PPP1CC: variants seen among roughly 807,000 people sequenced by gnomAD.
The protein encoded by PPP1CC is protein phosphatase 1 catalytic subunit gamma.
Under a neutral mutation model 38.4 loss-of-function variants are expected in PPP1CC, and 16 were observed. That is an observed-to-expected ratio of 0.42 (90% CI 0.28 to 0.63). The LOEUF is 0.63. Ranked by LOEUF, PPP1CC falls within the 30% of genes least tolerant of loss-of-function variation. The probability of loss-of-function intolerance (pLI) is 0.25; values close to 1 mark genes in which losing one functional copy is unlikely to be tolerated. For synonymous variants in PPP1CC, 158 were observed against 136.0 expected, an observed-to-expected ratio of 1.16 and a Z score of -1.13; for missense variants, 170 against 391.3, an observed-to-expected ratio of 0.43 and a Z score of 4.77.
At chr12:110,710,440 T>C in the PPP1CC span, among the ~76,000 whole-genome samples, 3 of 150,152 alleles carry the variant, frequency 2.0e-5, no homozygotes, top group Admixed American at 6.6e-5. Flanking sequence ...AAAATTAGGC[T>C]GGGTGCGGTG....
chr12:110,720,262 C>T lies in PPP1CC; in HGVS notation c.*814G>A. ...TGGAAATTGTATAAAATGTTATTAC[C>T]TTTTATCGTTAGTAGCTTAAACAGC... On this transcript the variant is annotated 3_prime_UTR_variant, in exon 7 of 7. Coordinates refer to ENST00000335007, the MANE Select transcript of PPP1CC (RefSeq NM_002710.4). 2.1e-6 allele frequency: 3 copies of T among 1,401,876 alleles called. No individual in the cohort carries two copies. The highest frequency in any genetic ancestry group is 2.9e-6 in the Non-Finnish European group (3 of 1,027,994). The allele number at this position is 1,401,876 out of a possible 1,614,324, so 86.8% of individuals were successfully genotyped here.
At chr12:110,739,520 T>TA (rs1411363179) in intron 1 of PPP1CC, among the ~76,000 whole-genome samples, 6 of 152,176 alleles carry the variant, frequency 3.9e-5, no homozygotes, top group Admixed American at 2.0e-4. Flanking sequence ...TAAACAATCT[T>TA]AGAGTTTCAG....
Position 110,721,197 on chromosome 12 carries a change from A to G in PPP1CC, c.883-32T>C, listed in dbSNP as rs368391621. 13 of 1,575,290 alleles carry G rather than the reference A, an allele frequency of 8.3e-6. No individual in the cohort carries two copies. In the African/African-American group the frequency reaches 1.8e-4, roughly 21 times the overall value. On this transcript the variant is annotated intron_variant, in intron 6 of 6. Transcript: ENST00000335007. ...ATTCAAAAGACAGTTAATTTAGGAAATATACTCAACCCCAAATCTTAAGAG... is the reference window on the plus strand; with the variant it reads ...ATTCAAAAGACAGTTAATTTAGGAAGTATACTCAACCCCAAATCTTAAGAG...
the PPP1CC span, among the ~76,000 whole-genome samples, chr12:110,710,167 AAGAC>A: frequency 5.3e-5 from 8 of 151,996 alleles, no homozygotes; most frequent in Non-Finnish European, 1.5e-5. Context: ...AGTGAAATGA[AAGAC>A]AGAATGAGGT....
At chr12:110,737,389 A>G (rs1037159961) in intron 1 of PPP1CC, among the ~76,000 whole-genome samples, 8 of 146,904 alleles carry the variant, frequency 5.4e-5, no homozygotes, top group Non-Finnish European at 1.2e-4. Context: ...AGGCTGAGGC[A>G]GGAGAAATCG....
chr12:110,730,495 A>T, intron 3 of PPP1CC, 34 bp downstream of exon 3: 1 of 1,446,740 alleles, frequency 6.9e-7, no homozygotes, highest in Non-Finnish European at 9.5e-7. Flanking sequence ...TCTTAATTTC[A>T]ATAACTCTTC....
downstream of PPP1CC, among the ~76,000 whole-genome samples, chr12:110,717,077 T>A (rs975713734): frequency 6.6e-6 from 1 of 152,236 alleles, no homozygotes; most frequent in Non-Finnish European, 1.5e-5. Context: ...GGTCTAAATC[T>A]TAGGGCTATT....
At chr12:110,717,486 C>T (rs1193584516), downstream of PPP1CC, among the ~76,000 whole-genome samples, 1 of 152,110 alleles carries the variant, frequency 6.6e-6, no homozygotes. Flanking sequence ...CTCCACCTCC[C>T]AGGTTCACGC....
At chr12:110,737,060 T>C (rs1297139368) in intron 1 of PPP1CC, among the ~76,000 whole-genome samples, 1 of 152,180 alleles carries the variant, frequency 6.6e-6, no homozygotes, top group Admixed American at 6.5e-5. Context: ...CTCATGATAT[T>C]TGACAGATTT....
At chr12:110,711,874 G>A in the PPP1CC span, among the ~76,000 whole-genome samples, 1 of 151,952 alleles carries the variant, frequency 6.6e-6, no homozygotes, top group Non-Finnish European at 1.5e-5. Context: ...GCAGTGAGCC[G>A]AGATCGCACC....
chr12:110,722,364 C>A lies in PPP1CC; in HGVS notation c.748-95G>T. The A allele has an allele frequency of 6.4e-7, 1 of 1,562,158 alleles. No homozygotes were observed. On this transcript the variant is annotated intron_variant, in intron 5 of 6. Coordinates refer to ENST00000335007, the MANE Select transcript of PPP1CC (RefSeq NM_002710.4). The surrounding 1 kb of genome is among the most constrained non-coding windows in gnomAD (Gnocchi z 5.4). ...CCATTGAGCCTGATATCTTGTGTTC[C>A]AGAAACACTTTGTATAAATAAGCAA...
intron 3 of PPP1CC, among the ~76,000 whole-genome samples, chr12:110,730,010 A>G (rs1374724638): frequency 6.6e-6 from 1 of 152,268 alleles, no homozygotes; most frequent in African/African-American, 2.4e-5. Context: ...ATCACATCAT[A>G]AAAGAATCCA....
At chr12:110,714,805 CAAAAAAAAAAAAAAAA>C (rs1164975036), downstream of PPP1CC, among the ~76,000 whole-genome samples, 2 of 22,068 alleles carry the variant, frequency 9.1e-5, no homozygotes, top group South Asian at 4.2e-3. Flanking sequence ...GACTCTGTCT[CAAAAAAAAAAAAAAAA>C]AAAAAAAAAA....
intron 1 of PPP1CC, among the ~76,000 whole-genome samples, chr12:110,741,879 CAGTA>C (rs142042742): frequency 0.02 from 3,109 of 152,266 alleles, 113 homozygotes; most frequent in African/African-American, 0.069. Flanking sequence ...GCCTGACACA[CAGTA>C]AGCGCTTTAG....
Position 110,721,016 on chromosome 12 carries a change from A to G in PPP1CC, c.*60T>C. On this transcript the variant is annotated 3_prime_UTR_variant, in exon 7 of 7. Transcript: ENST00000335007. ...GCTGACCAGTACACATTACAGTCTT[A>G]AAAATGAAGGTTATATACTCTATGT... is the stretch of plus-strand genomic sequence containing the variant. 3 of 1,484,604 alleles carry G rather than the reference A, an allele frequency of 2.0e-6. No individual in the cohort carries two copies. Among genetic ancestry groups the G allele is most frequent in the Non-Finnish European group, 9.4e-7 (1 of 1,064,002 alleles). The allele number at this position is 1,484,604 out of a possible 1,614,324, so 92.0% of individuals were successfully genotyped here.
intron 3 of PPP1CC, among the ~76,000 whole-genome samples, chr12:110,728,932 T>C (rs1276193535): frequency 6.6e-6 from 1 of 152,186 alleles, no homozygotes; most frequent in Non-Finnish European, 1.5e-5. Context: ...AACATATCTA[T>C]GTGAATTGAG....
At chr12:110,737,497 A>AAAAAAG (rs2069959460) in intron 1 of PPP1CC, among the ~76,000 whole-genome samples, 11 of 147,612 alleles carry the variant, frequency 7.5e-5, no homozygotes, top group African/African-American at 2.3e-4. Flanking sequence ...AAAAAAAAAA[A>AAAAAAG]AAAAGAAAAG....
Position 110,720,092 on chromosome 12 carries a change from C to G in PPP1CC, c.*984G>C, listed in dbSNP as rs1439128151. The G allele has an allele frequency of 2.7e-6, 4 of 1,504,358 alleles. No individual in the cohort carries two copies. The highest frequency in any genetic ancestry group is 3.6e-6 in the Non-Finnish European group (4 of 1,118,758). The allele number at this position is 1,504,358 out of a possible 1,614,324, so 93.2% of individuals were successfully genotyped here. A position where few individuals can be genotyped will look rare whatever the true frequency, so the allele number is the denominator to read the frequency against. On this transcript the variant is annotated 3_prime_UTR_variant, in exon 7 of 7. Coordinates refer to ENST00000335007, the MANE Select transcript of PPP1CC (RefSeq NM_002710.4). ...TGTTTTAACTTATAAGCCTCAACTT[C>G]ACCGCAGAATAAAGAATGTAGGCCA...
chr12:110,713,752 C>T, the PPP1CC span, among the ~76,000 whole-genome samples: 5 of 152,234 alleles, frequency 3.3e-5, 1 homozygote, highest in East Asian at 5.8e-4. Flanking sequence ...CAAAAAAGTT[C>T]GACCAGCATT....
Sources: gnomAD v4.1 joint callset for allele counts (sites outside exome capture counted in the v4.1 genomes callset) on GRCh38, gnomAD v4.1.1 for gene constraint, Gnocchi (gnomAD v3.1) non-coding constraint, MANE v1.5 for transcripts, NCBI Gene and HGNC (gene_info 2026-07-23, HGNC 2026-07-21) for gene names.